Variants in THSD4 observed in about 807,000 individuals in gnomAD.
THSD4 encodes thrombospondin type 1 domain containing 4, also known as thrombospondin type-1 domain-containing protein 4.
A neutral mutation model predicts 119.0 loss-of-function variants in THSD4; 69 were observed. That is an observed-to-expected ratio of 0.58 (90% confidence interval 0.48 to 0.71). THSD4 has a LOEUF of 0.71. THSD4 is among the 30% of genes least tolerant of loss of function. THSD4 has a pLI of 0.00. For missense variants in THSD4, 1,393 were observed against 1,391.1 expected (o/e 1.00, Z -0.02); for synonymous variants, 524 against 540.4 (o/e 0.97, Z 0.42).
chr15:71,698,648 C>T (rs1370585890), intron 8 of THSD4, among the ~76,000 whole-genome samples: 1 of 135,812 alleles, frequency 7.4e-6, no homozygotes, highest in East Asian at 2.0e-4. Flanking sequence ...TGTATATATA[C>T]ATGAAATATA....
At chr15:71,679,179 G>C (rs903252375) in intron 8 of THSD4, among the ~76,000 whole-genome samples, 1 of 152,204 alleles carries the variant, frequency 6.6e-6, no homozygotes, top group Admixed American at 6.5e-5. Flanking sequence ...GAAATCCTTT[G>C]ATGACTTTGA....
intron 7 of THSD4, among the ~76,000 whole-genome samples, chr15:71,412,255 A>T (rs907462615): frequency 6.6e-6 from 1 of 152,152 alleles, no homozygotes; most frequent in Non-Finnish European, 1.5e-5. Context: ...CAGGCTTCCA[A>T]AGGAAAGTTG....
intron 6 of THSD4, chr15:71,342,446 A>C: frequency 6.5e-6 from 1 of 153,136 alleles, no homozygotes; most frequent in Non-Finnish European, 1.5e-5. Flanking sequence ...ACAGGGGTGC[A>C]GTCTCAGCAT....
chr15:71,573,407 T>C lies in THSD4; in HGVS notation c.1153-87123T>C, dbSNP rs188598846. On this transcript the variant is annotated intron_variant, in intron 7 of 17. Transcript: ENST00000261862. The stretch of plus-strand genomic sequence containing the variant: ...AAATCCAAGGACCGAAGAAACTTCA[T>C]TTTTTAGTGAAGCGCAAAAACTAGA... Among the ~76,000 whole-genome samples the C allele has an allele frequency of 7.9e-5, 12 of 152,328 alleles. No homozygotes were observed. The East Asian group carries it at 2.3e-3, about 29-fold the overall frequency.
chr15:71,307,028 C>T (rs1211916632), intron 6 of THSD4, among the ~76,000 whole-genome samples: 1 of 152,238 alleles, frequency 6.6e-6, no homozygotes, highest in Non-Finnish European at 1.5e-5. Context: ...GCTCTGCAGT[C>T]CTCCCTCAAG....
Position 71,368,959 on chromosome 15 carries a change from G to A in THSD4, c.1016-42728G>A, listed in dbSNP as rs918654275. 2.8e-3 allele frequency among the ~76,000 whole-genome samples: 419 copies of A among 152,160 alleles called. 1 individual carries two copies. The highest frequency in any genetic ancestry group is 4.3e-3 in the Admixed American group (66 of 15,274). On this transcript the variant is annotated intron_variant, in intron 6 of 17. Transcript: ENST00000261862. ...ATTTGTTTGTGTCCTCTTTTATTTT[G>A]TTGAGCAGTGGTTTGTAGTTCTCCT...
At chr15:71,731,420 C>T (rs905126400) in intron 10 of THSD4, 6 of 567,388 alleles carry the variant, frequency 1.1e-5, no homozygotes, top group Admixed American at 9.1e-5. Flanking sequence ...GTTTCATTCA[C>T]TCGATTCCAA....
chr15:71,215,133 G>T lies in THSD4; in HGVS notation c.198G>T (p.Ser66=). 2.2e-6 allele frequency: 3 copies of T among 1,369,876 alleles called. No individual in the cohort carries two copies. The Admixed American group carries it at 9.0e-5, about 41-fold the overall frequency. 84.9% of individuals were successfully genotyped at this position (1,369,876 alleles called of 1,614,324 possible). ...CCTGGGGCCCCTGGTCGGCCTGCTC[G>T]CGTAGCTGCAGCGGCGGCGTGATGG... ...WGAWGPWSAC[S]RSCSGGVMEQ... is the part of the protein sequence containing the mutation. Residue 66 remains serine (S), a synonymous_variant, in exon 4 of 18, where the codon TCG becomes TCT. Transcript: ENST00000261862.
chr15:71,758,541 G>A lies in THSD4; in HGVS notation c.2589+466G>A, dbSNP rs574712434. ...ATCAGAAGCAGAAATTTTAAAAGTT[G>A]GAATTGTTCATTATGAAGAATAAAT... On this transcript the variant is annotated intron_variant, in intron 15 of 17. Transcript: ENST00000261862. Among the ~76,000 whole-genome samples, 7 of 152,178 alleles carry A rather than the reference G, an allele frequency of 4.6e-5. No homozygotes were observed. The South Asian group carries it at 1.5e-3, about 32-fold the overall frequency.
chr15:71,265,868 G>A (rs952385610), intron 6 of THSD4, among the ~76,000 whole-genome samples: 1 of 152,162 alleles, frequency 6.6e-6, no homozygotes, highest in Non-Finnish European at 1.5e-5. Flanking sequence ...AGAGCCCACC[G>A]CAGCTCGGGA....
chr15:71,275,436 G>C (rs2140308110), intron 6 of THSD4, among the ~76,000 whole-genome samples: 1 of 152,306 alleles, frequency 6.6e-6, no homozygotes, highest in South Asian at 2.1e-4. Flanking sequence ...TGAAGGAGTG[G>C]TTGGGACATT....
chr15:71,614,511 G>A (rs8032794), intron 7 of THSD4, among the ~76,000 whole-genome samples: 53,269 of 152,014 alleles, frequency 0.35, 10,278 homozygotes, highest in Non-Finnish European at 0.44. Context: ...ATGACCTAAC[G>A]GATGTTGTTT....
At position 71,780,557 on chromosome 15, in the gene THSD4, T is replaced by C; in HGVS notation, c.*3183T>C. The C allele has an allele frequency of 2.9e-6, 1 of 345,212 alleles. No individual in the cohort carries two copies. The highest frequency in any genetic ancestry group is 5.8e-6 in the Non-Finnish European group (1 of 170,952). 21.4% of individuals were successfully genotyped at this position (345,212 alleles called of 1,614,324 possible). ...ACACCAAAAGAAAAAAAAAAGCCAT[T>C]TAAAGCCAGCCACTAGAGGGAGTCA... On this transcript the variant is annotated 3_prime_UTR_variant, in exon 18 of 18. Coordinates refer to ENST00000261862, the MANE Select transcript of THSD4 (RefSeq NM_024817.3).
chr15:71,529,199 A>C (rs1156493249), intron 7 of THSD4, among the ~76,000 whole-genome samples: 6 of 151,964 alleles, frequency 3.9e-5, no homozygotes. Context: ...GTGGAGCTTT[A>C]CCCTCCCTGC....
At chr15:71,303,759 T>C (rs1335225428) in intron 6 of THSD4, among the ~76,000 whole-genome samples, 1 of 152,184 alleles carries the variant, frequency 6.6e-6, no homozygotes, top group Non-Finnish European at 1.5e-5. Context: ...GGATTAGTCA[T>C]AGCCTATTGT....
rs868387320 is a variant in THSD4 at position 71,745,096 on chromosome 15, G to A, written c.1907-10G>A. ...GGGACTGTCCTTCAGACATTCTCCT[G>A]TTGTTGCAGGATCGCAGTACCCTAT... On this transcript the variant is annotated splice_polypyrimidine_tract_variant and intron_variant, in intron 11 of 17. Transcript: ENST00000261862. The A allele has an allele frequency of 1.2e-6, 2 of 1,608,944 alleles. No homozygotes were observed. Among genetic ancestry groups the A allele is most frequent in the Admixed American group, 1.7e-5 (1 of 59,906 alleles).
At chr15:71,153,623 G>A (rs1169936199) in intron 2 of THSD4, among the ~76,000 whole-genome samples, 1 of 152,168 alleles carries the variant, frequency 6.6e-6, no homozygotes, top group Admixed American at 6.5e-5. Flanking sequence ...AATGGTGGAA[G>A]CTTTATCTAA....
intron 4 of THSD4, among the ~76,000 whole-genome samples, chr15:71,220,970 T>G (rs531953134): frequency 6.6e-6 from 1 of 152,190 alleles, no homozygotes; most frequent in African/African-American, 2.4e-5. Context: ...CTTCAGGTCT[T>G]GGCCAACAGA....
chr15:71,591,838 T>C (rs1384631597), intron 7 of THSD4, among the ~76,000 whole-genome samples: 1 of 151,436 alleles, frequency 6.6e-6, no homozygotes, highest in Non-Finnish European at 1.5e-5. Context: ...GGTAAATAGG[T>C]AAATGGGAAT....
Sources: gnomAD v4.1 joint callset for allele counts (sites outside exome capture counted in the v4.1 genomes callset) on GRCh38, gnomAD v4.1.1 for gene constraint, MANE v1.5 for transcripts, NCBI Gene and HGNC (gene_info 2026-07-23, HGNC 2026-07-21) for gene names.